Variants in PDE6A observed in about 807,000 individuals in gnomAD.
PDE6A encodes the protein phosphodiesterase 6A, also known as rod cGMP-specific 3',5'-cyclic phosphodiesterase subunit alpha.
A neutral mutation model predicts 106.3 loss-of-function variants in PDE6A; 84 were observed. The ratio of observed to expected loss-of-function variants is 0.79; its 90% CI spans 0.66 to 0.95. PDE6A has a LOEUF of 0.95. Among genes scored for constraint, PDE6A ranks in the 40% least tolerant of loss-of-function variants. The pLI is 0.00. For missense variants in PDE6A, 1,052 were observed against 1,084.9 expected (o/e 0.97, Z 0.43); for synonymous variants, 394 against 386.6 (o/e 1.02, Z -0.23).
chr5:149,882,455 C>T (rs1027429083), intron 17 of PDE6A, among the ~76,000 whole-genome samples: 1 of 152,032 alleles, frequency 6.6e-6, no homozygotes, highest in Non-Finnish European at 1.5e-5. Flanking sequence ...CAGGACCCAT[C>T]ACAGAGGAGC....
At chr5:149,938,430 T>C (rs1290114449) in intron 1 of PDE6A, among the ~76,000 whole-genome samples, 1 of 152,138 alleles carries the variant, frequency 6.6e-6, no homozygotes, top group Non-Finnish European at 1.5e-5. Context: ...CCAGAGGAAG[T>C]GCTGGTGAAG....
chr5:149,900,375 G>GTATGTATATATATATATA (rs1554089230), intron 8 of PDE6A, among the ~76,000 whole-genome samples: 1 of 82,584 alleles, frequency 1.2e-5, no homozygotes. Context: ...AAATATATAT[G>GTATGTATATATATATATA]TATATATATA....
At position 149,944,435 on chromosome 5, in the gene PDE6A, T is replaced by C. The variant is rs761462909; in HGVS notation, c.239A>G (p.Asn80Ser). 1.2e-6 allele frequency: 2 copies of C among 1,613,964 alleles called. No homozygotes were observed. The highest frequency in any genetic ancestry group is 1.7e-6 in the Non-Finnish European group (2 of 1,179,856). The change falls in exon 1 of 22, where the codon AAT (asparagine) becomes AGT (serine). Residue 80 changes from asparagine (N) to serine (S), a missense_variant. Transcript: ENST00000255266. Reference protein sequence around the residue: ...ENLQTEKCIFNVMKKLCFLLQ... With the variant: ...ENLQTEKCIFSVMKKLCFLLQ... ...GAGGAAGCACAGCTTCTTCATGACA[T>C]TGAAGATGCATTTCTCTGTCTGTAA...
chr5:149,903,760 TG>T, intron 7 of PDE6A, 65 bp from the exon 8 acceptor site: 1 of 1,157,198 alleles, frequency 8.6e-7, no homozygotes, highest in East Asian at 2.3e-5. Context: ...AGTGAAGCAC[TG>T]TATACCATTT....
At chr5:149,884,055 T>C (rs998869292) in intron 16 of PDE6A, among the ~76,000 whole-genome samples, 1 of 151,064 alleles carries the variant, frequency 6.6e-6, no homozygotes, top group Admixed American at 6.6e-5. Flanking sequence ...TATCCAGGAG[T>C]GGTGGTGTTC....
At chr5:149,900,394 T>TATATATATATATATATATATATATATAC (rs1752929776) in intron 8 of PDE6A, among the ~76,000 whole-genome samples, 1 of 133,374 alleles carries the variant, frequency 7.5e-6, no homozygotes, top group Non-Finnish European at 1.6e-5. Context: ...TATATATATA[T>TATATATATATATATATATATATATATAC]ATATCCGTTG....
chr5:149,913,562 C>T (rs929694687), intron 6 of PDE6A, among the ~76,000 whole-genome samples: 1 of 152,038 alleles, frequency 6.6e-6, no homozygotes, highest in Non-Finnish European at 1.5e-5. Context: ...GGTCTGGTGA[C>T]CAAACTGAAT....
At chr5:149,916,626 T>G (rs1753563521) in intron 5 of PDE6A, among the ~76,000 whole-genome samples, 1 of 152,176 alleles carries the variant, frequency 6.6e-6, no homozygotes, top group Non-Finnish European at 1.5e-5. Flanking sequence ...TGCAATTGGA[T>G]GTTGGCATGT....
chr5:149,893,630 G>A (rs1288591336), intron 13 of PDE6A, among the ~76,000 whole-genome samples: 1 of 152,106 alleles, frequency 6.6e-6, no homozygotes, highest in African/African-American at 2.4e-5. Context: ...CACTAAATAT[G>A]GTTATGCAAC....
chr5:149,867,882 C>T, intron 18 of PDE6A, 83 bp from the exon 19 acceptor site: 2 of 1,352,514 alleles, frequency 1.5e-6, no homozygotes, highest in Non-Finnish European at 2.1e-6. Flanking sequence ...CTTGCAATTC[C>T]AAATCAACAA....
intron 13 of PDE6A, among the ~76,000 whole-genome samples, chr5:149,894,228 G>T (rs1752648225): frequency 6.6e-6 from 1 of 152,152 alleles, no homozygotes; most frequent in African/African-American, 2.4e-5. Context: ...GTATGAGGCT[G>T]AACAAAACTG....
chr5:149,944,066 A>G (rs2113672841), intron 1 of PDE6A, 134 bp downstream of exon 1: 1 of 688,064 alleles, frequency 1.5e-6, no homozygotes, highest in East Asian at 2.7e-5. Flanking sequence ...ATGAGTAAAT[A>G]TGTAAATAAA....
chr5:149,887,109 C>T (rs995946169), intron 13 of PDE6A, among the ~76,000 whole-genome samples: 1 of 152,122 alleles, frequency 6.6e-6, no homozygotes, highest in Admixed American at 6.6e-5. Context: ...ACATAAAAGT[C>T]TCCGAACCCT....
At chr5:149,886,439 G>T in intron 13 of PDE6A, 65 bp from the exon 14 acceptor site, 2 of 1,248,192 alleles carry the variant, frequency 1.6e-6, no homozygotes, top group Non-Finnish European at 1.2e-6. Context: ...GGCTGAAAAG[G>T]CGGGTGTAAG....
chr5:149,886,474 T>C, intron 13 of PDE6A, 100 bp from the exon 14 acceptor site: 1 of 834,622 alleles, frequency 1.2e-6, no homozygotes, highest in African/African-American at 1.7e-5. Flanking sequence ...ACTAAAAAAC[T>C]CATGGGTCTG....
chr5:149,914,655 C>CAAA (rs5872151), intron 6 of PDE6A, among the ~76,000 whole-genome samples: 53 of 138,626 alleles, frequency 3.8e-4, no homozygotes, highest in Admixed American at 1.2e-3. Flanking sequence ...ATCCTTACAC[C>CAAA]AAAAAAAAAA....
intron 4 of PDE6A, among the ~76,000 whole-genome samples, chr5:149,929,344 C>T (rs139397411): frequency 1.8e-3 from 273 of 152,272 alleles, no homozygotes; most frequent in African/African-American, 6.3e-3. Context: ...TCAAACACCA[C>T]GCCTGTAATC....
chr5:149,905,965 C>A (rs1157530566), intron 7 of PDE6A, among the ~76,000 whole-genome samples: 1 of 152,152 alleles, frequency 6.6e-6, no homozygotes, highest in Non-Finnish European at 1.5e-5. Context: ...TCAAGGGATA[C>A]TCCTGTCTCA....
At chr5:149,904,784 T>G (rs183953400) in intron 7 of PDE6A, among the ~76,000 whole-genome samples, 1 of 152,312 alleles carries the variant, frequency 6.6e-6, no homozygotes, top group Non-Finnish European at 1.5e-5. Flanking sequence ...CATTGTCTCC[T>G]GATCTCAGAG....
Sources: allele counts gnomAD v4.1 joint callset (sites outside exome capture counted in the v4.1 genomes callset), GRCh38; gene constraint gnomAD v4.1.1; transcripts MANE v1.5; gene names NCBI Gene and HGNC (gene_info 2026-07-23, HGNC 2026-07-21).